Variants in ATL1 observed in about 807,000 individuals in gnomAD.
ATL1 encodes atlastin-1.
Under a neutral mutation model 75.5 loss-of-function variants are expected in ATL1, and 31 were observed. The ratio of observed to expected loss-of-function variants is 0.41; its 90% CI spans 0.31 to 0.55. ATL1 has a LOEUF of 0.55. Ranked by LOEUF, ATL1 falls within the 20% of genes least tolerant of loss-of-function variation. The probability of loss-of-function intolerance (pLI) is 0.27; values close to 1 mark genes in which losing one functional copy is unlikely to be tolerated. For synonymous variants in ATL1, 226 were observed against 233.3 expected, an observed-to-expected ratio of 0.97 and a Z score of 0.28; for missense variants, 405 against 662.6, an observed-to-expected ratio of 0.61 and a Z score of 4.27.
intron 1 of ATL1, among the ~76,000 whole-genome samples, chr14:50,554,868 C>A (rs941259296): frequency 5.3e-5 from 8 of 152,134 alleles, no homozygotes; most frequent in African/African-American, 1.9e-4. Flanking sequence ...CTTGGGAGAA[C>A]ATTTTTCTAT....
Position 50,632,397 on chromosome 14 carries a change from T to C in ATL1, c.*58T>C, listed in dbSNP as rs1001296851. 10 of 1,192,930 alleles carry C rather than the reference T, an allele frequency of 8.4e-6. No individual in the cohort carries two copies. The Admixed American group carries it at 9.0e-5, about 11-fold the overall frequency. The allele number at this position is 1,192,930 out of a possible 1,614,324, so 73.9% of individuals were successfully genotyped here. On this transcript the variant is annotated 3_prime_UTR_variant, in exon 14 of 14. Coordinates refer to ENST00000358385, the MANE Select transcript of ATL1 (RefSeq NM_015915.5). ...ATTGTCAATTAAATATTCAGTTTTA[T>C]GTCTCCATGCAAACATTCAAAGTGC... is the stretch of plus-strand genomic sequence containing the variant.
intron 6 of ATL1, among the ~76,000 whole-genome samples, chr14:50,599,146 A>G (rs189862098): frequency 8.7e-4 from 132 of 152,362 alleles, no homozygotes; most frequent in African/African-American, 3.0e-3. Flanking sequence ...CAAAATGAAC[A>G]GATTGGTAGA....
intron 4 of ATL1, among the ~76,000 whole-genome samples, chr14:50,592,998 T>C (rs1354111356): frequency 4.7e-5 from 7 of 150,370 alleles, no homozygotes; most frequent in Non-Finnish European, 4.4e-5. Context: ...CATATATCTG[T>C]ATATATATAA....
intron 6 of ATL1, among the ~76,000 whole-genome samples, chr14:50,612,898 T>G (rs977981695): frequency 1.3e-5 from 2 of 152,134 alleles, no homozygotes; most frequent in African/African-American, 4.8e-5. Flanking sequence ...ATCTTATGCC[T>G]GCATTCAGCC....
chr14:50,614,739 G>C (rs2039398835), intron 8 of ATL1, among the ~76,000 whole-genome samples: 1 of 152,084 alleles, frequency 6.6e-6, no homozygotes, highest in Admixed American at 6.6e-5. Context: ...GCCGGATCCT[G>C]AGTTCACCCA....
At chr14:50,585,427 GT>G (rs1566722111) in intron 1 of ATL1, among the ~76,000 whole-genome samples, 1 of 152,100 alleles carries the variant, frequency 6.6e-6, no homozygotes, top group African/African-American at 2.4e-5. Context: ...ATTCACATTT[GT>G]GTGCTCAGAT....
At chr14:50,571,973 A>G in intron 1 of ATL1, 3 of 450,018 alleles carry the variant, frequency 6.7e-6, no homozygotes, top group South Asian at 3.9e-5. Flanking sequence ...CCATTCCAAT[A>G]TTGTTTTGTT....
intron 1 of ATL1, among the ~76,000 whole-genome samples, chr14:50,581,556 A>T (rs1180846943): frequency 6.6e-6 from 1 of 152,158 alleles, no homozygotes; most frequent in Non-Finnish European, 1.5e-5. Flanking sequence ...TCTAGTTTTC[A>T]TTGTACTTTC....
chr14:50,565,916 C>T (rs573689498), intron 1 of ATL1, among the ~76,000 whole-genome samples: 17 of 152,264 alleles, frequency 1.1e-4, no homozygotes, highest in South Asian at 6.2e-4. Flanking sequence ...ACCTGTGCCC[C>T]CCAGCCAAAG....
At chr14:50,630,160 T>A in intron 13 of ATL1, 151 bp downstream of exon 13, 1 of 520,128 alleles carries the variant, frequency 1.9e-6, no homozygotes, top group Non-Finnish European at 3.3e-6. Context: ...TGTGAATTTT[T>A]AACATGGTCT....
upstream of ATL1, among the ~76,000 whole-genome samples, chr14:50,556,822 A>G (rs947328571): frequency 1.3e-5 from 2 of 152,200 alleles, no homozygotes; most frequent in African/African-American, 4.8e-5. Flanking sequence ...ATATATTGGT[A>G]CTCAATAACT....
At chr14:50,617,008 T>C (rs1309798196) in intron 8 of ATL1, among the ~76,000 whole-genome samples, 1 of 152,216 alleles carries the variant, frequency 6.6e-6, no homozygotes, top group Non-Finnish European at 1.5e-5. Context: ...AAGAAAAGTC[T>C]CCGAATAAAC....
intron 6 of ATL1, among the ~76,000 whole-genome samples, chr14:50,609,902 C>T (rs999542311): frequency 5.9e-5 from 9 of 151,802 alleles, no homozygotes; most frequent in East Asian, 1.9e-4. Flanking sequence ...TTTTTTTGTT[C>T]GTGATACTAG....
intron 1 of ATL1, among the ~76,000 whole-genome samples, chr14:50,578,751 C>T (rs2039030060): frequency 6.6e-6 from 1 of 152,196 alleles, no homozygotes; most frequent in South Asian, 2.1e-4. Flanking sequence ...ATCAGTCCCT[C>T]ATTGATGGAC....
intron 1 of ATL1, among the ~76,000 whole-genome samples, chr14:50,586,039 T>C (rs2039098598): frequency 6.6e-6 from 1 of 152,186 alleles, no homozygotes; most frequent in Non-Finnish European, 1.5e-5. Flanking sequence ...AAGTTATCAA[T>C]GTGATATATA....
chr14:50,591,781 C>T (rs774908012), intron 4 of ATL1, 142 bp downstream of exon 4: 38 of 627,404 alleles, frequency 6.1e-5, no homozygotes, highest in Non-Finnish European at 9.4e-5. Context: ...TACGAGTTCT[C>T]GTGATTTCTG....
chr14:50,630,504 GTAAAT>G lies in ATL1; in HGVS notation c.1566+498_1566+502del, dbSNP rs544327075. Among the ~76,000 whole-genome samples the G allele has an allele frequency of 1.8e-3, 278 of 152,338 alleles. 2 individuals carry two copies. Among genetic ancestry groups the G allele is most frequent in the African/African-American group, 6.5e-3 (270 of 41,572 alleles). On this transcript the variant is annotated intron_variant, in intron 13 of 13. Coordinates refer to ENST00000358385, the MANE Select transcript of ATL1 (RefSeq NM_015915.5). ...TCTTGGCAGACCTCAGGCCTGACCTGTAAATTAGTGTTCATTTCTCCTACCGCACA... is the reference window on the plus strand; with the variant it reads ...TCTTGGCAGACCTCAGGCCTGACCTGTAGTGTTCATTTCTCCTACCGCACA...
At chr14:50,610,575 A>G (rs1056559662) in intron 6 of ATL1, among the ~76,000 whole-genome samples, 1 of 152,144 alleles carries the variant, frequency 6.6e-6, no homozygotes, top group Non-Finnish European at 1.5e-5. Flanking sequence ...TTTTTGATGT[A>G]GTGAATCCAA....
chr14:50,600,383 A>G (rs564894695), intron 6 of ATL1, among the ~76,000 whole-genome samples: 1 of 152,334 alleles, frequency 6.6e-6, no homozygotes, highest in South Asian at 2.1e-4. Context: ...TGAGTCAACA[A>G]TGACTCCTAA....
Sources: allele counts gnomAD v4.1 joint callset (sites outside exome capture counted in the v4.1 genomes callset), GRCh38; gene constraint gnomAD v4.1.1; transcripts MANE v1.5; gene names NCBI Gene and HGNC (gene_info 2026-07-23, HGNC 2026-07-21).